Variants in CNTN4 observed in about 807,000 individuals in gnomAD.
The protein encoded by CNTN4 is contactin 4.
CNTN4 carries 77 observed loss-of-function variants against 122.5 expected under a neutral mutation model. That is an observed-to-expected ratio of 0.63 (90% CI 0.52 to 0.76). The LOEUF is 0.76. CNTN4 is among the 30% of genes least tolerant of loss of function. The pLI is 0.00. For synonymous variants in CNTN4, 512 were observed against 447.0 expected, an observed-to-expected ratio of 1.15 and a Z score of -1.83; for missense variants, 1,256 against 1,259.1, an observed-to-expected ratio of 1.00 and a Z score of 0.04.
chr3:2,302,894 A>G (rs1305867188), intron 2 of CNTN4, among the ~76,000 whole-genome samples: 1 of 152,230 alleles, frequency 6.6e-6, no homozygotes, highest in Non-Finnish European at 1.5e-5. Flanking sequence ...AAATATGTGA[A>G]TGAAATTTCA....
chr3:2,668,798 A>G (rs943617016), intron 4 of CNTN4, among the ~76,000 whole-genome samples: 5 of 152,302 alleles, frequency 3.3e-5, no homozygotes, highest in South Asian at 4.1e-4. Flanking sequence ...AGTTTTTAGC[A>G]TGAAGGGCTG....
At chr3:2,992,318 A>T in intron 14 of CNTN4, among the ~76,000 whole-genome samples, 1 of 152,332 alleles carries the variant, frequency 6.6e-6, no homozygotes, top group Non-Finnish European at 1.5e-5. Flanking sequence ...TAGTTATAAT[A>T]TACTTGGGAT....
chr3:2,671,172 T>A (rs970021415), intron 4 of CNTN4, among the ~76,000 whole-genome samples: 6 of 152,186 alleles, frequency 3.9e-5, no homozygotes, highest in African/African-American at 7.2e-5. Flanking sequence ...CTGGATAATA[T>A]CCTGCAGAGT....
intron 3 of CNTN4, among the ~76,000 whole-genome samples, chr3:2,450,103 A>T (rs2048771459): frequency 6.6e-6 from 1 of 152,196 alleles, no homozygotes; most frequent in Admixed American, 6.6e-5. Flanking sequence ...GTGGTGGCTT[A>T]CACCTATAAT....
chr3:2,974,569 G>A (rs1693241674), intron 13 of CNTN4, among the ~76,000 whole-genome samples: 1 of 152,204 alleles, frequency 6.6e-6, no homozygotes, highest in Non-Finnish European at 1.5e-5. Flanking sequence ...CAGATAAAGA[G>A]GCAAAGATTT....
At chr3:2,164,386 A>G (rs1475494949) in intron 2 of CNTN4, among the ~76,000 whole-genome samples, 2 of 152,102 alleles carry the variant, frequency 1.3e-5, no homozygotes, top group Non-Finnish European at 2.9e-5. Flanking sequence ...CGCACATAGG[A>G]TAGGTCTTGG....
rs1334584962 is a variant in CNTN4 at position 2,432,048 on chromosome 3, ACT to A, written c.-89+92819_-89+92820del. On this transcript the variant is annotated intron_variant, in intron 3 of 24. Transcript: ENST00000418658. ...CCATCCAAAAAGATGGGTCACTGTAACTCTCACTGCACAAACAATGAGCCAGG... is the reference window on the plus strand; with the variant it reads ...CCATCCAAAAAGATGGGTCACTGTAACTCACTGCACAAACAATGAGCCAGG... Among the ~76,000 whole-genome samples, 8 of 152,266 alleles carry A rather than the reference ACT, an allele frequency of 5.3e-5. No homozygotes were observed. In the South Asian group the frequency reaches 1.7e-3, roughly 32 times the overall value.
chr3:2,921,203 A>G (rs1268643312), intron 12 of CNTN4, among the ~76,000 whole-genome samples: 3 of 152,072 alleles, frequency 2.0e-5, no homozygotes, highest in Non-Finnish European at 4.4e-5. Flanking sequence ...ACACCTGGCT[A>G]ATGTTTTATT....
chr3:2,208,390 A>G (rs1575084374), intron 2 of CNTN4, among the ~76,000 whole-genome samples: 1 of 152,180 alleles, frequency 6.6e-6, no homozygotes, highest in East Asian at 1.9e-4. Flanking sequence ...CAGAGCCTGA[A>G]GATGGGACTG....
At chr3:2,826,691 C>T (rs556645569) in intron 7 of CNTN4, among the ~76,000 whole-genome samples, 5 of 152,308 alleles carry the variant, frequency 3.3e-5, no homozygotes, top group African/African-American at 1.2e-4. Flanking sequence ...TAGACTCACC[C>T]AGTTTCTTAC....
chr3:2,799,997 TA>T, intron 6 of CNTN4, among the ~76,000 whole-genome samples: 1 of 152,118 alleles, frequency 6.6e-6, no homozygotes, highest in East Asian at 1.9e-4. Context: ...TCTATGTGTC[TA>T]TTTTTATACC....
chr3:2,881,771 C>T (rs1351766273), intron 8 of CNTN4, among the ~76,000 whole-genome samples: 2 of 144,120 alleles, frequency 1.4e-5, no homozygotes, highest in South Asian at 4.7e-4. Context: ...TGTGATTGCA[C>T]CTGTCCCCCA....
chr3:3,041,564 C>T (rs1438085830), intron 20 of CNTN4, among the ~76,000 whole-genome samples: 1 of 152,164 alleles, frequency 6.6e-6, no homozygotes, highest in Non-Finnish European at 1.5e-5. Flanking sequence ...AAAGGAGAGG[C>T]TAGACTGACT....
intron 13 of CNTN4, among the ~76,000 whole-genome samples, chr3:2,987,958 T>C (rs1444250077): frequency 3.3e-5 from 5 of 152,234 alleles, no homozygotes; most frequent in Admixed American, 1.3e-4. Flanking sequence ...AAGACTTAAA[T>C]TGATTAATCA....
intron 2 of CNTN4, among the ~76,000 whole-genome samples, chr3:2,306,858 CTAAG>C (rs1184409059): frequency 6.6e-6 from 1 of 151,080 alleles, no homozygotes. Flanking sequence ...AAATTTGTTC[CTAAG>C]TATTTTATTA....
chr3:2,857,816 G>T (rs13095665), intron 7 of CNTN4, among the ~76,000 whole-genome samples: 5,398 of 152,204 alleles, frequency 0.035, 129 homozygotes, highest in African/African-American at 0.053. Flanking sequence ...GCCATTCTTT[G>T]TCACAGTCAG....
At chr3:2,334,021 C>T (rs7618471) in intron 2 of CNTN4, among the ~76,000 whole-genome samples, 51,736 of 151,928 alleles carry the variant, frequency 0.34, 9,772 homozygotes, top group East Asian at 0.8. Flanking sequence ...ATACAATGGC[C>T]TTTAAGAATA....
At chr3:2,151,748 G>A (rs1223454591) in intron 2 of CNTN4, among the ~76,000 whole-genome samples, 1 of 152,130 alleles carries the variant, frequency 6.6e-6, no homozygotes, top group East Asian at 1.9e-4. Context: ...GGCTTTATAA[G>A]AAGAGGAAAA....
intron 2 of CNTN4, among the ~76,000 whole-genome samples, chr3:2,124,622 A>T (rs2034026141): frequency 6.6e-6 from 1 of 151,720 alleles, no homozygotes; most frequent in South Asian, 2.1e-4. Flanking sequence ...AACAACAACA[A>T]CAACATCTGG....
Sources: gnomAD v4.1 joint callset for allele counts (sites outside exome capture counted in the v4.1 genomes callset) on GRCh38, gnomAD v4.1.1 for gene constraint, MANE v1.5 for transcripts, NCBI Gene and HGNC (gene_info 2026-07-23, HGNC 2026-07-21) for gene names.